PPP4R2: variants seen among roughly 807,000 people sequenced by gnomAD.
PPP4R2 encodes the protein protein phosphatase 4 regulatory subunit 2.
Under a neutral mutation model 47.2 loss-of-function variants are expected in PPP4R2, and 13 were observed. The observed-to-expected ratio is 0.28, with a 90% CI of 0.18 to 0.44. The LOEUF is 0.44. Among genes scored for constraint, PPP4R2 ranks in the 20% least tolerant of loss-of-function variants. PPP4R2 has a pLI of 1.00. For missense variants in PPP4R2, 421 were observed against 491.2 expected, an observed-to-expected ratio of 0.86 and a Z score of 1.35; for synonymous variants, 151 against 163.3, an observed-to-expected ratio of 0.92 and a Z score of 0.57.
intron 2 of PPP4R2, among the ~76,000 whole-genome samples, chr3:73,008,820 G>A (rs1701666673): frequency 6.6e-6 from 1 of 152,130 alleles, no homozygotes; most frequent in Non-Finnish European, 1.5e-5. Context: ...TTAATCTTGT[G>A]GAATGAACTC....
intron 3 of PPP4R2, among the ~76,000 whole-genome samples, chr3:73,048,335 C>T (rs936440598): frequency 3.9e-5 from 6 of 152,148 alleles, no homozygotes; most frequent in Non-Finnish European, 7.4e-5. Flanking sequence ...TCACCGCAAC[C>T]TCCGCCTGCC....
Position 72,996,819 on chromosome 3 carries a change from T to G in PPP4R2, c.-219T>G. ...GCGCGCGGTGACGTACCGGGCGCCA[T>G]GTTGGAGGGTTGGTGGTAGCGGCTT... On this transcript the variant is annotated 5_prime_UTR_variant, in exon 1 of 9. The change abolishes an upstream ATG in the 5' untranslated region. Coordinates refer to ENST00000356692, the MANE Select transcript of PPP4R2 (RefSeq NM_174907.4). 466 of 332,802 alleles carry G rather than the reference T, an allele frequency of 1.4e-3. No individual in the cohort carries two copies. Among genetic ancestry groups the G allele is most frequent in the Middle Eastern group, 2.5e-3 (3 of 1,198 alleles). The allele number at this position is 332,802 out of a possible 1,614,324, so 20.6% of individuals were successfully genotyped here.
At chr3:73,060,867 G>GT (rs1338374746) in intron 4 of PPP4R2, among the ~76,000 whole-genome samples, 156 bp from the exon 5 acceptor site, 2 of 151,986 alleles carry the variant, frequency 1.3e-5, no homozygotes, top group African/African-American at 4.8e-5. Flanking sequence ...AGTTTTTGCT[G>GT]TTTCACCAGT....
At chr3:73,026,579 T>C (rs1399099718) in intron 2 of PPP4R2, among the ~76,000 whole-genome samples, 3 of 152,170 alleles carry the variant, frequency 2.0e-5, no homozygotes, top group African/African-American at 7.2e-5. Flanking sequence ...ATATTTGCAT[T>C]AAATGTTTTT....
intron 3 of PPP4R2, among the ~76,000 whole-genome samples, chr3:73,056,067 G>A (rs1398673633): frequency 6.6e-6 from 1 of 152,196 alleles, no homozygotes; most frequent in African/African-American, 2.4e-5. Flanking sequence ...TGTGGGAAAA[G>A]CCTTAATATT....
intron 2 of PPP4R2, among the ~76,000 whole-genome samples, chr3:73,028,247 A>G (rs947719528): frequency 8.7e-6 from 1 of 115,128 alleles, no homozygotes; most frequent in African/African-American, 3.8e-5. Flanking sequence ...TCAGAGCAAG[A>G]CTCCGTCTCA....
chr3:72,997,604 A>G lies in PPP4R2; in HGVS notation c.35-473A>G, dbSNP rs1259763288. ...ACGCCTTCCACGCAACAGGCTTGAG[A>G]ACAGTGGCTTACAAACTTCGAGTAG... On this transcript the variant is annotated intron_variant, in intron 1 of 8. Coordinates refer to ENST00000356692, the MANE Select transcript of PPP4R2 (RefSeq NM_174907.4). Among the ~76,000 whole-genome samples the G allele has an allele frequency of 2.6e-5, 4 of 152,312 alleles. No individual in the cohort carries two copies. The East Asian group carries it at 7.7e-4, about 29-fold the overall frequency.
At position 73,018,152 on chromosome 3, in the gene PPP4R2, T is replaced by C. The variant is rs984511467; in HGVS notation, c.116+19994T>C. ...TTATATTTTTATCCTATCTTTCTTA[T>C]ACTTTTAGCCAGGCAGATATACACT... On this transcript the variant is annotated intron_variant, in intron 2 of 8. Transcript: ENST00000356692. 2.6e-5 allele frequency among the ~76,000 whole-genome samples: 4 copies of C among 152,188 alleles called. No homozygotes were observed. The East Asian group carries it at 5.8e-4, about 22-fold the overall frequency.
intron 2 of PPP4R2, among the ~76,000 whole-genome samples, chr3:73,020,257 G>T (rs902888085): frequency 6.6e-6 from 1 of 152,094 alleles, no homozygotes; most frequent in African/African-American, 2.4e-5. Context: ...GTGTAGTGGT[G>T]GGACAATAGC....
intron 2 of PPP4R2, among the ~76,000 whole-genome samples, chr3:73,007,054 C>T (rs529422961): frequency 2.0e-5 from 3 of 152,308 alleles, no homozygotes; most frequent in African/African-American, 7.2e-5. Context: ...AGATGAAAAA[C>T]TGTAGCACCA....
At position 73,068,587 on chromosome 3, in the gene PPP4R2, G is replaced by C. The variant is rs2107357658; in HGVS notation, c.*2865G>C. 1 of 152,322 alleles carries C rather than the reference G, an allele frequency of 6.6e-6. No individual in the cohort carries two copies. Among genetic ancestry groups the C allele is most frequent in the African/African-American group, 2.4e-5 (1 of 41,584 alleles). 9.4% of individuals were successfully genotyped at this position (152,322 alleles called of 1,614,324 possible). A position where few individuals can be genotyped will look rare whatever the true frequency, so the allele number is the denominator to read the frequency against. Reference sequence around the variant, plus strand: ...ACGTGTGTTTTGGAGTAGTGGAATTGCCAGCCAGGCCCTGTGGCTTGGAAA... The same window carrying C: ...ACGTGTGTTTTGGAGTAGTGGAATTCCCAGCCAGGCCCTGTGGCTTGGAAA... On this transcript the variant is annotated 3_prime_UTR_variant, in exon 9 of 9. Coordinates refer to ENST00000356692, the MANE Select transcript of PPP4R2 (RefSeq NM_174907.4).
intron 3 of PPP4R2, among the ~76,000 whole-genome samples, chr3:73,049,344 GA>G (rs1702562632): frequency 2.6e-5 from 4 of 151,822 alleles, no homozygotes; most frequent in Non-Finnish European, 5.9e-5. Flanking sequence ...TAAAAATACA[GA>G]AAAATCAGCT....
chr3:73,017,054 T>A (rs1436096032), intron 2 of PPP4R2, among the ~76,000 whole-genome samples: 4 of 152,108 alleles, frequency 2.6e-5, no homozygotes, highest in African/African-American at 9.7e-5. Context: ...CCTGAACTCC[T>A]GAGCTCAAGT....
At position 73,065,132 on chromosome 3, in the gene PPP4R2, G is replaced by A; in HGVS notation, c.919G>A (p.Glu307Lys). 6.2e-7 allele frequency: 1 copy of A among 1,607,296 alleles called. No individual in the cohort carries two copies. Among genetic ancestry groups the A allele is most frequent in the Non-Finnish European group, 8.5e-7 (1 of 1,177,006 alleles). ...AGAGGATGAAGAAGAGGATGAAGAG[G>A]AAGAAGAAGGTATTTAGAGACCATC... ...TEEDEEEDEE[E>K]EEESFMTSRE... The change falls in exon 8 of 9, where the codon GAA becomes AAA. Residue 307 changes from glutamate to lysine, a missense_variant. This residue lies in a region of PPP4R2 where 317 missense variants were observed against 287.5 expected (regional missense o/e 1.10). Coordinates refer to ENST00000356692, the MANE Select transcript of PPP4R2 (RefSeq NM_174907.4).
chr3:73,037,375 G>C (rs1333794110), intron 2 of PPP4R2, among the ~76,000 whole-genome samples: 1 of 152,052 alleles, frequency 6.6e-6, no homozygotes, highest in East Asian at 1.9e-4. Flanking sequence ...CTTTGATCTT[G>C]GCAGTTCTGA....
intron 2 of PPP4R2, among the ~76,000 whole-genome samples, chr3:73,025,420 A>G (rs578238105): frequency 6.6e-6 from 1 of 152,140 alleles, no homozygotes; most frequent in Non-Finnish European, 1.5e-5. Context: ...TGAAATGCTT[A>G]TATTTCTTGA....
chr3:73,063,911 C>A, intron 6 of PPP4R2, 92 bp from the exon 7 acceptor site: 2 of 1,273,580 alleles, frequency 1.6e-6, no homozygotes. Flanking sequence ...AAAGTTGCAG[C>A]AAATACTTCT....
At chr3:73,000,326 A>C (rs941903218) in intron 2 of PPP4R2, among the ~76,000 whole-genome samples, 1 of 152,146 alleles carries the variant, frequency 6.6e-6, no homozygotes, top group East Asian at 1.9e-4. Flanking sequence ...TGACAGAGTG[A>C]GACTCTGTCT....
chr3:73,032,477 C>T lies in PPP4R2; in HGVS notation c.117-14709C>T, dbSNP rs576078251. On this transcript the variant is annotated intron_variant, in intron 2 of 8. Transcript: ENST00000356692. ...CTAATTTTTGTATTTTTAGTAGAGG[C>T]GGGGTTTTACCATGTTGGCCAGGAT... Among the ~76,000 whole-genome samples the T allele has an allele frequency of 1.9e-3, 288 of 151,868 alleles. 1 individual carries two copies. The highest frequency in any genetic ancestry group is 6.7e-3 in the African/African-American group (279 of 41,366).
Sources: gnomAD v4.1 joint callset for allele counts (sites outside exome capture counted in the v4.1 genomes callset) on GRCh38, gnomAD v4.1.1 for gene constraint, gnomAD v4.1.1 regional missense constraint, MANE v1.5 for transcripts, NCBI Gene and HGNC (gene_info 2026-07-23, HGNC 2026-07-21) for gene names.